Variants in LYRM4 observed in about 807,000 individuals in gnomAD.
LYRM4 encodes LYR motif-containing protein 4.
LYRM4 carries 9 observed loss-of-function variants against 11.7 expected under a neutral mutation model. The observed-to-expected ratio is 0.77, with a 90% confidence interval of 0.46 to 1.34. The LOEUF is 1.34. Ranked by LOEUF, LYRM4 falls within the 40% of genes most tolerant of loss-of-function variation. The probability of loss-of-function intolerance (pLI) is 0.00; values close to 1 mark genes in which losing one functional copy is unlikely to be tolerated. For missense variants in LYRM4, 133 were observed against 112.5 expected, an observed-to-expected ratio of 1.18 and a Z score of -0.82; for synonymous variants, 42 against 40.4, an observed-to-expected ratio of 1.04 and a Z score of -0.15.
chr6:5,190,794 G>C (rs1292797059), intron 2 of LYRM4, among the ~76,000 whole-genome samples: 1 of 152,142 alleles, frequency 6.6e-6, no homozygotes, highest in African/African-American at 2.4e-5. Context: ...GAATTTCTTA[G>C]ATAATACAAT....
chr6:5,085,862 C>T, the LYRM4 span: 4 of 1,530,618 alleles, frequency 2.6e-6, no homozygotes, highest in African/African-American at 5.5e-5. Flanking sequence ...GGCTGCTGCG[C>T]CAAGTGCAAG....
At chr6:5,167,452 A>G (rs893722498) in intron 2 of LYRM4, among the ~76,000 whole-genome samples, 1 of 152,136 alleles carries the variant, frequency 6.6e-6, no homozygotes, top group African/African-American at 2.4e-5. Context: ...GTACACCATA[A>G]TGTATTTACT....
chr6:5,150,797 A>G (rs1758045057), intron 2 of LYRM4, among the ~76,000 whole-genome samples: 2 of 152,204 alleles, frequency 1.3e-5, no homozygotes, highest in South Asian at 4.1e-4. Context: ...CTTGCAGCTT[A>G]GAGTCACTAA....
chr6:5,193,259 A>G (rs750622721), intron 2 of LYRM4, among the ~76,000 whole-genome samples: 4 of 151,982 alleles, frequency 2.6e-5, no homozygotes, highest in African/African-American at 9.7e-5. Context: ...TGTAAGCTCT[A>G]TTTTTAGCAC....
chr6:5,192,442 A>G (rs1197754681), intron 2 of LYRM4, among the ~76,000 whole-genome samples: 2 of 152,198 alleles, frequency 1.3e-5, no homozygotes, highest in East Asian at 3.9e-4. Context: ...CAGTCCCCCC[A>G]AAGAGACATG....
chr6:5,218,064 C>A (rs142034688), intron 1 of LYRM4, among the ~76,000 whole-genome samples: 3 of 151,722 alleles, frequency 2.0e-5, no homozygotes, highest in African/African-American at 7.3e-5. Context: ...CCCACCACCA[C>A]GCCTGGCTAA....
intron 1 of LYRM4, among the ~76,000 whole-genome samples, chr6:5,243,497 A>G (rs1764004982): frequency 1.3e-5 from 2 of 151,342 alleles, no homozygotes; most frequent in South Asian, 4.1e-4. Context: ...CCATTCTTAA[A>G]GAAGAAGAAA....
chr6:5,114,964 T>C (rs1308607171), intron 2 of LYRM4, among the ~76,000 whole-genome samples: 1 of 152,236 alleles, frequency 6.6e-6, no homozygotes, highest in Non-Finnish European at 1.5e-5. Context: ...GTGGTGTATA[T>C]ATACACAATA....
intron 2 of LYRM4, among the ~76,000 whole-genome samples, chr6:5,121,199 A>G (rs1454138653): frequency 1.3e-5 from 2 of 152,254 alleles, no homozygotes; most frequent in South Asian, 2.1e-4. Flanking sequence ...CTTTGGGTAC[A>G]TAGGGCCATG....
chr6:5,201,323 G>C (rs1761383953), intron 2 of LYRM4, among the ~76,000 whole-genome samples: 4 of 152,148 alleles, frequency 2.6e-5, no homozygotes, highest in African/African-American at 9.7e-5. Flanking sequence ...AAGTGCACGG[G>C]CAGGCTCAAA....
At position 5,238,061 on chromosome 6, in the gene LYRM4, T is replaced by C. The variant is rs1763655520; in HGVS notation, c.87-21323A>G. ...CTCCTGGCTGCTTACTGTCCTGCCTTCTAACCACCCTTTTGCTTGGAAACC... is the reference window on the plus strand; with the variant it reads ...CTCCTGGCTGCTTACTGTCCTGCCTCCTAACCACCCTTTTGCTTGGAAACC... On this transcript the variant is annotated intron_variant, in intron 1 of 2. Transcript: ENST00000330636. Among the ~76,000 whole-genome samples, 4 of 152,122 alleles carry C rather than the reference T, an allele frequency of 2.6e-5. No individual in the cohort carries two copies. The South Asian group carries it at 8.3e-4, about 32-fold the overall frequency.
intron 1 of LYRM4, among the ~76,000 whole-genome samples, chr6:5,221,029 G>A (rs541470849): frequency 1.3e-5 from 2 of 152,168 alleles, no homozygotes; most frequent in South Asian, 4.2e-4. Flanking sequence ...GTGTCACTAT[G>A]CTGCCCAGGC....
chr6:5,140,036 C>G (rs1430400598), intron 2 of LYRM4, among the ~76,000 whole-genome samples: 1 of 151,854 alleles, frequency 6.6e-6, no homozygotes, highest in Non-Finnish European at 1.5e-5. Flanking sequence ...GAGTTCGAGA[C>G]CAGCCTGGAA....
chr6:5,122,918 C>T (rs1253778177), intron 2 of LYRM4, among the ~76,000 whole-genome samples: 5 of 152,246 alleles, frequency 3.3e-5, no homozygotes, highest in East Asian at 1.9e-4. Context: ...CCTCTGCTCA[C>T]CTCCCTCAGG....
downstream of LYRM4, among the ~76,000 whole-genome samples, chr6:5,100,680 G>A (rs1561795639): frequency 6.6e-6 from 1 of 152,142 alleles, no homozygotes; most frequent in Non-Finnish European, 1.5e-5. Flanking sequence ...CACCCCCAAT[G>A]TCTCTACTGC....
At chr6:5,146,395 T>A (rs1757724056) in intron 2 of LYRM4, among the ~76,000 whole-genome samples, 1 of 152,198 alleles carries the variant, frequency 6.6e-6, no homozygotes, top group African/African-American at 2.4e-5. Context: ...TCATTTTTTT[T>A]ATTGGTGAAA....
At chr6:5,073,253 C>G in the LYRM4 span, among the ~76,000 whole-genome samples, 1 of 151,994 alleles carries the variant, frequency 6.6e-6, no homozygotes, top group Admixed American at 6.6e-5. Flanking sequence ...GCCTGTTATC[C>G]CAGCTACTCG....
At chr6:5,246,375 A>C (rs1366106677) in intron 1 of LYRM4, among the ~76,000 whole-genome samples, 1 of 152,180 alleles carries the variant, frequency 6.6e-6, no homozygotes, top group Non-Finnish European at 1.5e-5. Flanking sequence ...GCTGGGTGAG[A>C]CCGTGCAGGT....
chr6:5,245,567 A>G (rs1011055288), intron 1 of LYRM4, among the ~76,000 whole-genome samples: 1 of 152,188 alleles, frequency 6.6e-6, no homozygotes, highest in African/African-American at 2.4e-5. Context: ...TGCCATAAAC[A>G]TAACTCATAC....
Sources: allele counts gnomAD v4.1 joint callset (sites outside exome capture counted in the v4.1 genomes callset), GRCh38; gene constraint gnomAD v4.1.1; transcripts MANE v1.5; gene names NCBI Gene and HGNC (gene_info 2026-07-23, HGNC 2026-07-21).